The following STAB1 variants were observed in gnomAD, a reference collection of about 807,000 sequenced individuals.
STAB1 encodes the protein stabilin-1.
A neutral mutation model predicts 332.4 loss-of-function variants in STAB1; 250 were observed. The observed-to-expected ratio is 0.75, with a 90% CI of 0.68 to 0.84. The LOEUF (loss-of-function observed/expected upper bound fraction) is 0.84, where lower values mean the gene tolerates loss of function less well. Ranked by LOEUF, STAB1 falls within the 40% of genes least tolerant of loss-of-function variation. The pLI, the probability that STAB1 is intolerant of heterozygous loss-of-function variation, is 0.00. For synonymous variants in STAB1, 1,475 were observed against 1,390.4 expected, an observed-to-expected ratio of 1.06 and a Z score of -1.35; for missense variants, 3,249 against 3,489.7, an observed-to-expected ratio of 0.93 and a Z score of 1.74.
rs371211392 is a variant in STAB1, at chr3:52,523,164, G to A, written c.7020+30G>A. 3.0e-5 allele frequency: 49 copies of A among 1,610,776 alleles called. No individual in the cohort carries two copies. The African/African-American group carries it at 5.7e-4, about 19-fold the overall frequency. ...GTGGGGGCCACCCTTGGGGGCGGGG[G>A]GTGCTGGGATCCCCGAGGAGGGAGC... On this transcript the variant is annotated intron_variant, in intron 63 of 68. Transcript: ENST00000321725.
rs753748052 is a variant in STAB1, at chr3:52,516,093, A to G, written c.3999A>G (p.Pro1333=). 3.6e-5 allele frequency: 58 copies of G among 1,611,336 alleles called. No homozygotes were observed. The highest frequency in any genetic ancestry group is 2.7e-4 in the African/African-American group (20 of 74,782). ...GFFGTLCEPC[P]GGLGGVCSGH... is the part of the protein sequence containing the mutation. Reference sequence around the variant, plus strand: ...TTGGCACGCTGTGTGAGCCATGCCCAGGGGGTCTAGGGGGGGTGTGCTCAG... The same window carrying G: ...TTGGCACGCTGTGTGAGCCATGCCCGGGGGGTCTAGGGGGGGTGTGCTCAG... Residue 1333 remains proline (P), a synonymous_variant, in exon 38 of 69, where the codon CCA becomes CCG. Transcript: ENST00000321725.
In STAB1 at chr3:52,503,804, C is replaced by A. The variant is rs757860721; in HGVS notation, c.924C>A (p.Ser308Arg). ...GCACCTGCCGGCCAGGCCTGGTCAG[C>A]ATCAACAGCAACGCTTCTGCGGGCT... Reference protein sequence around the residue: ...AFCTCRPGLVSINSNASAGCF... With the variant: ...AFCTCRPGLVRINSNASAGCF... Residue 308 changes from serine (S) to arginine (R), a missense_variant, in exon 9 of 69, where the codon AGC becomes AGA. By Grantham distance (110) the Ser-to-Arg change is moderately radical (BLOSUM62 -1). Transcript: ENST00000321725. The A allele has an allele frequency of 3.1e-6, 5 of 1,613,222 alleles. No homozygotes were observed. The highest frequency in any genetic ancestry group is 4.2e-6 in the Non-Finnish European group (5 of 1,180,028).
chr3:52,519,755 A>C, intron 50 of STAB1, 189 bp from the exon 51 acceptor site: 1 of 1,122,728 alleles, frequency 8.9e-7, no homozygotes, highest in Non-Finnish European at 1.3e-6. Context: ...GGGTGTGCTT[A>C]TGTGTGCCCA....
rs1708541628 is a variant in STAB1 at position 52,502,698 on chromosome 3, C to T, written c.554C>T (p.Ala185Val). Residue 185 changes from alanine (A) to valine (V), a missense_variant, in exon 6 of 69, where the codon GCT becomes GTT. Coordinates refer to ENST00000321725, the MANE Select transcript of STAB1 (RefSeq NM_015136.3). ...PRGDGSCLCF[A>V]GYTGPHCDQE... is the part of the protein sequence containing the mutation. Reference sequence around the variant, plus strand: ...GGGGATGGAAGCTGCCTGTGCTTTGCTGGATACACTGGCCCCCACTGTGAT... The same window carrying T: ...GGGGATGGAAGCTGCCTGTGCTTTGTTGGATACACTGGCCCCCACTGTGAT... 1 of 1,613,774 alleles carries T rather than the reference C, an allele frequency of 6.2e-7. No individual in the cohort carries two copies. Among genetic ancestry groups the T allele is most frequent in the Non-Finnish European group, 8.5e-7 (1 of 1,179,904 alleles).
chr3:52,514,619 G>A (rs1465333286), intron 34 of STAB1, 82 bp from the exon 35 acceptor site: 4 of 1,596,822 alleles, frequency 2.5e-6, no homozygotes, highest in African/African-American at 1.3e-5. Context: ...GAGCCCCCCG[G>A]CCCTGGAGTA....
rs1395755226 is a variant in STAB1 at position 52,504,159 on chromosome 3, C to T, written c.1150+4C>T. 15 of 1,584,846 alleles carry T rather than the reference C, an allele frequency of 9.5e-6. No individual in the cohort carries two copies. Among genetic ancestry groups the T allele is most frequent in the East Asian group, 6.9e-5 (3 of 43,706 alleles). The stretch of plus-strand genomic sequence containing the variant: ...AGGGTCGCCGTGGCCATGATGGGTG[C>T]GTGACCCCACTGCTTGCCCACGACC... On this transcript the variant is annotated splice_donor_region_variant and intron_variant, in intron 10 of 68. Coordinates refer to ENST00000321725, the MANE Select transcript of STAB1 (RefSeq NM_015136.3).
chr3:52,515,953 G>C, intron 37 of STAB1, 90 bp from the exon 38 acceptor site: 2 of 1,412,040 alleles, frequency 1.4e-6, no homozygotes, highest in South Asian at 1.5e-5. Flanking sequence ...TTTGCTCCAT[G>C]GCTCTGTGGC....
In STAB1 at chr3:52,509,196, T is replaced by C. The variant is rs201024603; in HGVS notation, c.2236-14T>C. 53 of 1,611,494 alleles carry C rather than the reference T, an allele frequency of 3.3e-5. No individual in the cohort carries two copies. The highest frequency in any genetic ancestry group is 1.3e-5 in the Non-Finnish European group (15 of 1,178,336). Reference sequence around the variant, plus strand: ...CTTTCCCATGACTGATCCTGCCTTCTGCTCACTCTCTAGTGCAGTGATGGG... The same window carrying C: ...CTTTCCCATGACTGATCCTGCCTTCCGCTCACTCTCTAGTGCAGTGATGGG... On this transcript the variant is annotated splice_polypyrimidine_tract_variant and intron_variant, in intron 21 of 68. Coordinates refer to ENST00000321725, the MANE Select transcript of STAB1 (RefSeq NM_015136.3).
In STAB1 at chr3:52,504,999, C is replaced by G; in HGVS notation, c.1378-4C>G. On this transcript the variant is annotated splice_polypyrimidine_tract_variant and splice_region_variant and intron_variant, in intron 12 of 68. Transcript: ENST00000321725. ...ATCTGGCCAGACCTCTTGTGTCTCA[C>G]CAGAAATACTCCTACAAGTACAAAG... The G allele has an allele frequency of 6.2e-7, 1 of 1,613,644 alleles. No homozygotes were observed. Among genetic ancestry groups the G allele is most frequent in the Non-Finnish European group, 8.5e-7 (1 of 1,179,922 alleles).
intron 50 of STAB1, 156 bp from the exon 51 acceptor site, chr3:52,519,788 A>T: frequency 8.6e-7 from 1 of 1,159,044 alleles, no homozygotes; most frequent in Non-Finnish European, 1.2e-6. Flanking sequence ...CAGTGTGCAC[A>T]GTTGAGATGT....
intron 33 of STAB1, 59 bp downstream of exon 33, chr3:52,514,272 C>G: frequency 6.2e-7 from 1 of 1,601,682 alleles, no homozygotes; most frequent in Non-Finnish European, 8.5e-7. Context: ...GGCGAGCCTC[C>G]AATCCCACCA....
chr3:52,505,267 T>A (rs1708766225), intron 13 of STAB1, 52 bp from the exon 14 acceptor site: 1 of 1,608,788 alleles, frequency 6.2e-7, no homozygotes, highest in African/African-American at 1.3e-5. Context: ...CCCGCTGGGC[T>A]GAAGCAGCCT....
At position 52,516,696 on chromosome 3, in the gene STAB1, G is replaced by A. The variant is rs201088810; in HGVS notation, c.4291G>A (p.Val1431Met). ...PRKCDPNANCVQDSAGASTCA... is the reference protein window; with the variant it reads ...PRKCDPNANCMQDSAGASTCA... Reference sequence around the variant, plus strand: ...TGCTGCTACCACCCCTCCCAGCTGCGTGCAGGACTCGGCCGGAGCCTCCAC... The same window carrying A: ...TGCTGCTACCACCCCTCCCAGCTGCATGCAGGACTCGGCCGGAGCCTCCAC... Residue 1431 changes from valine to methionine, a missense_variant, in exon 41 of 69, where the codon GTG becomes ATG. By Grantham distance (21) the Val-to-Met change is conservative. Coordinates refer to ENST00000321725, the MANE Select transcript of STAB1 (RefSeq NM_015136.3). 5.8e-5 allele frequency: 94 copies of A among 1,612,432 alleles called. 1 individual carries two copies. The Admixed American group carries it at 1.4e-3, about 24-fold the overall frequency.
chr3:52,509,845 C>G, intron 22 of STAB1, 25 bp from the exon 23 acceptor site: 1 of 1,612,334 alleles, frequency 6.2e-7, no homozygotes, highest in Non-Finnish European at 8.5e-7. Flanking sequence ...TTCTCAGTTT[C>G]CTTGCTCCCA....
chr3:52,522,499 T>C (rs1389737938), intron 60 of STAB1, 25 bp downstream of exon 60: 1 of 1,613,042 alleles, frequency 6.2e-7, no homozygotes, highest in South Asian at 1.1e-5. Context: ...CCACTCCCAG[T>C]ACCCATTTCA....
chr3:52,524,055 A>T (rs749246219), intron 67 of STAB1, 38 bp downstream of exon 67: 1 of 1,612,188 alleles, frequency 6.2e-7, no homozygotes. Flanking sequence ...GGGTCCTTGG[A>T]TCTCGCTTGA....
intron 28 of STAB1, 77 bp from the exon 29 acceptor site, chr3:52,512,751 G>A: frequency 6.2e-7 from 1 of 1,609,304 alleles, no homozygotes; most frequent in Non-Finnish European, 8.5e-7. Flanking sequence ...GGGCAGGGCT[G>A]GAGCCTAGAG....
chr3:52,519,179 A>G (rs532038776), intron 48 of STAB1, 85 bp from the exon 49 acceptor site: 4 of 1,536,798 alleles, frequency 2.6e-6, no homozygotes, highest in African/African-American at 2.7e-5. Flanking sequence ...GACTTGCCCA[A>G]CCCAGGTTCA....
At chr3:52,514,038 C>A (rs895327400) in intron 32 of STAB1, 57 bp downstream of exon 32, 2 of 1,596,278 alleles carry the variant, frequency 1.3e-6, no homozygotes, top group African/African-American at 2.7e-5. Flanking sequence ...TGCCCCAGGT[C>A]CAGAGGGACC....
Sources: allele counts gnomAD v4.1 joint callset, GRCh38; gene constraint gnomAD v4.1.1; transcripts MANE v1.5; gene names NCBI Gene and HGNC (gene_info 2026-07-23, HGNC 2026-07-21).